The following CCDC141 variants were observed in gnomAD, a reference collection of about 807,000 sequenced individuals.
CCDC141 encodes the protein coiled-coil domain containing 141, also known as coiled-coil domain-containing protein 141.
Under a neutral mutation model 181.0 loss-of-function variants are expected in CCDC141, and 168 were observed. The observed-to-expected ratio is 0.93, with a 90% CI of 0.82 to 1.05. CCDC141 has a LOEUF of 1.05. Ranked by LOEUF, CCDC141 falls within the 50% of genes least tolerant of loss-of-function variation. CCDC141 has a pLI of 0.00. For missense variants in CCDC141, 1,902 were observed against 1,788.5 expected (o/e 1.06, Z -1.14); for synonymous variants, 666 against 642.3 (o/e 1.04, Z -0.56).
chr2:178,986,333 A>G (rs998767746), intron 2 of CCDC141, among the ~76,000 whole-genome samples: 3 of 152,130 alleles, frequency 2.0e-5, no homozygotes, highest in Non-Finnish European at 2.9e-5. Flanking sequence ...AATAAGAGCT[A>G]TCTATGACAA....
At chr2:178,986,247 C>T (rs1175192852) in intron 2 of CCDC141, among the ~76,000 whole-genome samples, 3 of 152,228 alleles carry the variant, frequency 2.0e-5, no homozygotes, top group African/African-American at 2.4e-5. Context: ...GCAGAAAAGG[C>T]CTTTGACAAA....
At chr2:179,042,654 G>T (rs577521503) in intron 2 of CCDC141, among the ~76,000 whole-genome samples, 1 of 152,172 alleles carries the variant, frequency 6.6e-6, no homozygotes, top group Non-Finnish European at 1.5e-5. Flanking sequence ...AGCCTAAGAA[G>T]TTCTTTGAAA....
intron 1 of CCDC141, among the ~76,000 whole-genome samples, chr2:179,048,908 T>C (rs938804910): frequency 6.6e-6 from 1 of 152,214 alleles, no homozygotes; most frequent in Non-Finnish European, 1.5e-5. Flanking sequence ...AAAGTAAACA[T>C]GGCTTGCTGT....
intron 14 of CCDC141, 84 bp from the exon 15 acceptor site, chr2:178,869,389 G>T: frequency 1.1e-6 from 1 of 922,980 alleles, no homozygotes; most frequent in Non-Finnish European, 1.6e-6. Context: ...TCTAAACAAT[G>T]AATCACTCTT....
intron 2 of CCDC141, among the ~76,000 whole-genome samples, chr2:178,982,758 G>C (rs555781174): frequency 6.6e-6 from 1 of 152,120 alleles, no homozygotes; most frequent in Non-Finnish European, 1.5e-5. Context: ...CTTTTCTGAC[G>C]GGCTTAAAAA....
At chr2:178,953,829 G>C (rs1482723309) in intron 5 of CCDC141, among the ~76,000 whole-genome samples, 1 of 152,176 alleles carries the variant, frequency 6.6e-6, no homozygotes, top group Non-Finnish European at 1.5e-5. Context: ...ATGTATAAGA[G>C]ATTACACTCA....
At chr2:179,037,962 A>G (rs1482676432) in intron 2 of CCDC141, among the ~76,000 whole-genome samples, 1 of 152,198 alleles carries the variant, frequency 6.6e-6, no homozygotes, top group Non-Finnish European at 1.5e-5. Context: ...TCCTCAAAAC[A>G]CTAAAAACAG....
the CCDC141 span, among the ~76,000 whole-genome samples, chr2:178,824,053 C>G: frequency 2.8e-5 from 4 of 141,992 alleles, no homozygotes; most frequent in Non-Finnish European, 3.1e-5. Context: ...AGAACTCATA[C>G]AGAGAAAAAC....
At chr2:178,922,333 T>G (rs546095129) in intron 6 of CCDC141, among the ~76,000 whole-genome samples, 5 of 152,310 alleles carry the variant, frequency 3.3e-5, no homozygotes, top group Admixed American at 3.3e-4. Flanking sequence ...ATGTCAACAT[T>G]AGTAAGAGAA....
At position 178,975,118 on chromosome 2, in the gene CCDC141, A is replaced by G; in HGVS notation, c.465T>C (p.His155=). 1 of 1,527,060 alleles carries G rather than the reference A, an allele frequency of 6.5e-7. No individual in the cohort carries two copies. The highest frequency in any genetic ancestry group is 1.2e-5 in the South Asian group (1 of 81,642). 94.6% of individuals were successfully genotyped at this position (1,527,060 alleles called of 1,614,324 possible). ...DQAEDFLQNT[H]EFESAESLKS... ...TTAAGGACTCAGCACTCTCAAACTC[A>G]TGAGTATTCTGGAGGAAATCTTCAG... Residue 155 remains histidine (H), a synonymous_variant, in exon 4 of 24, where the codon CAT becomes CAC. Transcript: ENST00000443758.
intron 2 of CCDC141, chr2:179,002,344 A>G: frequency 3.6e-6 from 1 of 281,252 alleles, no homozygotes; most frequent in South Asian, 3.6e-5. Context: ...AAAGCTGTTC[A>G]GGATTGCATT....
chr2:178,991,437 T>G (rs904724728), intron 2 of CCDC141, among the ~76,000 whole-genome samples: 1 of 152,140 alleles, frequency 6.6e-6, no homozygotes. Context: ...AAAATTTTTT[T>G]TAACTTTTGA....
rs140022270 is a variant in CCDC141, at chr2:179,014,449, C to T, written c.225+32835G>A. On this transcript the variant is annotated intron_variant, in intron 2 of 23. Transcript: ENST00000443758. ...ACCTAATGAAACTTAAGAGCTTTTG[C>T]ACGGCAAAAGGAACAGTCAGCAAAG... is the stretch of plus-strand genomic sequence containing the variant. Among the ~76,000 whole-genome samples, 708 of 152,136 alleles carry T rather than the reference C, an allele frequency of 4.7e-3. 5 individuals are homozygous for T. Among genetic ancestry groups the T allele is most frequent in the African/African-American group, 0.016 (680 of 41,512 alleles).
chr2:179,047,512 C>G lies in CCDC141; in HGVS notation c.103-106G>C, dbSNP rs529271192. ...TTTAAATTTCCAGTTATACTGTAAA[C>G]ACTTTTTTCTATTTTCTATTTTTTT... is the stretch of plus-strand genomic sequence containing the variant. On this transcript the variant is annotated intron_variant, in intron 1 of 23. Coordinates refer to ENST00000443758, the MANE Select transcript of CCDC141 (RefSeq NM_173648.4). 1.9e-4 allele frequency: 189 copies of G among 1,000,610 alleles called. 1 individual carries two copies. In the East Asian group the frequency reaches 5.7e-3, roughly 30 times the overall value. The allele number at this position is 1,000,610 out of a possible 1,614,324, so 62.0% of individuals were successfully genotyped here.
intron 2 of CCDC141, among the ~76,000 whole-genome samples, chr2:179,016,193 G>C (rs939345951): frequency 2.1e-5 from 3 of 140,528 alleles, no homozygotes; most frequent in Admixed American, 7.3e-5. Flanking sequence ...TGAGGACTTG[G>C]GGGGAAGAGT....
At chr2:178,834,774 C>G (rs184328236) in intron 23 of CCDC141, among the ~76,000 whole-genome samples, 68 of 151,316 alleles carry the variant, frequency 4.5e-4, no homozygotes, top group Non-Finnish European at 7.7e-4. Flanking sequence ...GAGATAGGAT[C>G]TCGCTATGTT....
intron 11 of CCDC141, among the ~76,000 whole-genome samples, chr2:178,880,509 C>T (rs1686548152): frequency 2.0e-5 from 3 of 151,950 alleles, no homozygotes; most frequent in East Asian, 3.9e-4. Context: ...AGTGATGGTA[C>T]AAGTGCCGAG....
chr2:178,895,258 G>A (rs1460405650), intron 8 of CCDC141, among the ~76,000 whole-genome samples: 1 of 152,114 alleles, frequency 6.6e-6, no homozygotes, highest in African/African-American at 2.4e-5. Flanking sequence ...GCACTGTGAT[G>A]AGCATCTTAT....
chr2:179,022,977 T>C (rs2042729898), intron 2 of CCDC141, among the ~76,000 whole-genome samples: 1 of 152,010 alleles, frequency 6.6e-6, no homozygotes, highest in South Asian at 2.1e-4. Context: ...CTCCCCCAAA[T>C]AAGTGGGATC....
Sources: allele counts gnomAD v4.1 joint callset (sites outside exome capture counted in the v4.1 genomes callset), GRCh38; gene constraint gnomAD v4.1.1; transcripts MANE v1.5; gene names NCBI Gene and HGNC (gene_info 2026-07-23, HGNC 2026-07-21).